The following PABPC4L variants were observed in gnomAD, a reference collection of about 807,000 sequenced individuals.
PABPC4L encodes poly(A) binding protein cytoplasmic 4 like, also known as polyadenylate-binding protein 4-like.
For synonymous variants in PABPC4L, 169 were observed against 164.1 expected, an observed-to-expected ratio of 1.03 and a Z score of -0.23; for missense variants, 452 against 451.4, an observed-to-expected ratio of 1.00 and a Z score of -0.01.
chr4:134,049,408 G>A, the PABPC4L span, among the ~76,000 whole-genome samples: 2 of 152,054 alleles, frequency 1.3e-5, no homozygotes, highest in Admixed American at 1.3e-4. Context: ...TTCTTATAAA[G>A]CATACAATTG....
chr4:134,067,061 T>C, the PABPC4L span, among the ~76,000 whole-genome samples: 4 of 152,080 alleles, frequency 2.6e-5, no homozygotes, highest in Non-Finnish European at 5.9e-5. Flanking sequence ...TTATGAATTA[T>C]AGAGAAATCT....
At chr4:133,985,810 A>T in the PABPC4L span, among the ~76,000 whole-genome samples, 1 of 152,052 alleles carries the variant, frequency 6.6e-6, no homozygotes, top group Non-Finnish European at 1.5e-5. Context: ...ATATTTCAAC[A>T]TAATGAAACC....
At chr4:134,120,546 A>T in the PABPC4L span, among the ~76,000 whole-genome samples, 1 of 150,780 alleles carries the variant, frequency 6.6e-6, no homozygotes, top group Admixed American at 6.6e-5. Flanking sequence ...GGGCCGCTGG[A>T]GAAAATTTTT....
the PABPC4L span, among the ~76,000 whole-genome samples, chr4:134,114,307 A>C: frequency 6.6e-6 from 1 of 151,808 alleles, no homozygotes; most frequent in East Asian, 1.9e-4. Context: ...AAATACTGGC[A>C]GTCAGCCTGC....
At chr4:134,153,920 C>T in the PABPC4L span, among the ~76,000 whole-genome samples, 1 of 140,996 alleles carries the variant, frequency 7.1e-6, no homozygotes, top group South Asian at 2.2e-4. Context: ...GGCTACATAG[C>T]TAAGATTATT....
At chr4:134,143,899 C>T in the PABPC4L span, among the ~76,000 whole-genome samples, 1 of 151,436 alleles carries the variant, frequency 6.6e-6, no homozygotes, top group South Asian at 2.1e-4. Context: ...AATGTCTCTA[C>T]TTTTATTATT....
chr4:134,191,937 A>C (rs1197626314), downstream of PABPC4L, among the ~76,000 whole-genome samples: 1 of 152,092 alleles, frequency 6.6e-6, no homozygotes, highest in African/African-American at 2.4e-5. Flanking sequence ...AAACAATAGA[A>C]AAAGTGAATG....
chr4:133,958,278 C>G, the PABPC4L span, among the ~76,000 whole-genome samples: 1 of 152,154 alleles, frequency 6.6e-6, no homozygotes, highest in Non-Finnish European at 1.5e-5. Context: ...ACAAGAGTGA[C>G]CTTTGCTCCA....
the PABPC4L span, among the ~76,000 whole-genome samples, chr4:134,084,964 G>T: frequency 2.6e-5 from 4 of 152,090 alleles, no homozygotes; most frequent in African/African-American, 9.7e-5. Flanking sequence ...GGGAAAGGGG[G>T]TCTTGCCAAT....
In PABPC4L at chr4:134,200,322, C is replaced by CCAAA; in HGVS notation, c.694_697dup (p.Gly233ValfsTer7). ...CTCATGGCTATCAAAACTCACAAAG[C>CCAAA]CAAAGCCTTTGGATTTCCCACTGGA... On this transcript the variant is annotated frameshift_variant, in exon 2 of 2. Coordinates refer to ENST00000421491, the MANE Select transcript of PABPC4L (RefSeq NM_001114734.2). LOFTEE classifies it low-confidence loss of function (END_TRUNC). The CCAAA allele has an allele frequency of 7.5e-6, 12 of 1,594,370 alleles. No homozygotes were observed. Among genetic ancestry groups the CCAAA allele is most frequent in the Non-Finnish European group, 1.0e-5 (12 of 1,169,262 alleles).
the PABPC4L span, among the ~76,000 whole-genome samples, chr4:134,028,498 T>G: frequency 6.6e-6 from 1 of 152,036 alleles, no homozygotes; most frequent in Non-Finnish European, 1.5e-5. Flanking sequence ...CTTGCTAAGC[T>G]TCACTTTTTC....
chr4:134,030,214 G>A, the PABPC4L span, among the ~76,000 whole-genome samples: 2 of 152,066 alleles, frequency 1.3e-5, no homozygotes, highest in Non-Finnish European at 2.9e-5. Context: ...ACCCGAAAAT[G>A]TGGGAGCGAC....
the PABPC4L span, among the ~76,000 whole-genome samples, chr4:134,167,755 T>C: frequency 6.6e-6 from 1 of 151,990 alleles, no homozygotes; most frequent in Non-Finnish European, 1.5e-5. Context: ...TGTAAATATA[T>C]ATGCACTCAA....
the PABPC4L span, among the ~76,000 whole-genome samples, chr4:134,177,575 A>C: frequency 6.6e-6 from 1 of 152,134 alleles, no homozygotes; most frequent in Non-Finnish European, 1.5e-5. Flanking sequence ...GGCCCTCACT[A>C]CTGGTAACCA....
the PABPC4L span, among the ~76,000 whole-genome samples, chr4:134,112,576 ATCTATC>A: frequency 2.8e-3 from 283 of 100,864 alleles, 1 homozygote; most frequent in Non-Finnish European, 4.3e-3. Context: ...GTAACTATCT[ATCTATC>A]TATCTATCTA....
the PABPC4L span, among the ~76,000 whole-genome samples, chr4:134,046,720 A>C: frequency 6.6e-6 from 1 of 152,136 alleles, no homozygotes; most frequent in Admixed American, 6.6e-5. Flanking sequence ...TGGTTAATTG[A>C]GAATGGAGAA....
the PABPC4L span, among the ~76,000 whole-genome samples, chr4:133,975,851 A>G: frequency 6.6e-6 from 1 of 152,314 alleles, no homozygotes; most frequent in African/African-American, 2.4e-5. Flanking sequence ...GAATCCTGAT[A>G]TAAAAATATA....
At chr4:134,133,069 AT>A in the PABPC4L span, among the ~76,000 whole-genome samples, 1 of 136,304 alleles carries the variant, frequency 7.3e-6, no homozygotes, top group South Asian at 2.2e-4. Flanking sequence ...TGTATATATA[AT>A]TTATCACATA....
Position 134,200,178 on chromosome 4 carries a change from T to C in PABPC4L, c.842A>G (p.Gln281Arg). The change falls in exon 2 of 2, where the codon CAG becomes CGG. Residue 281 changes from glutamine to arginine, a missense_variant. By Grantham distance (43) the Gln-to-Arg change is conservative (BLOSUM62 1). Coordinates refer to ENST00000421491, the MANE Select transcript of PABPC4L (RefSeq NM_001114734.2). The part of the protein sequence containing the change: ...RQAELKQMFE[Q>R]LKRERIRGCQ... ...CCCACGAATTCGTTCCCTTTTCAGC[T>C]GCTCAAACATTTGCTTTAACTCAGC... 6.4e-7 allele frequency: 1 copy of C among 1,551,674 alleles called. No homozygotes were observed. The highest frequency in any genetic ancestry group is 8.7e-7 in the Non-Finnish European group (1 of 1,146,968).
Sources: allele counts gnomAD v4.1 joint callset (sites outside exome capture counted in the v4.1 genomes callset), GRCh38; gene constraint gnomAD v4.1.1; transcripts MANE v1.5; gene names NCBI Gene and HGNC (gene_info 2026-07-23, HGNC 2026-07-21).